The following FANCL variants were observed in gnomAD, a reference collection of about 807,000 sequenced individuals.
The protein encoded by FANCL is E3 ubiquitin-protein ligase FANCL.
FANCL carries 69 observed loss-of-function variants against 59.4 expected under a neutral mutation model. The observed-to-expected ratio is 1.16, with a 90% CI of 0.96 to 1.42. The LOEUF (loss-of-function observed/expected upper bound fraction) is 1.42. FANCL is among the 40% of genes most tolerant of loss of function. The probability of loss-of-function intolerance (pLI) is 0.00; values close to 1 mark genes in which losing one functional copy is unlikely to be tolerated. For synonymous variants in FANCL, 180 were observed against 147.1 expected, an observed-to-expected ratio of 1.22 and a Z score of -1.62; for missense variants, 519 against 447.2, an observed-to-expected ratio of 1.16 and a Z score of -1.45.
chr2:58,177,725 T>C (rs1377251607), intron 7 of FANCL, among the ~76,000 whole-genome samples: 1 of 150,962 alleles, frequency 6.6e-6, no homozygotes, highest in Non-Finnish European at 1.5e-5. Flanking sequence ...GGCACATGTA[T>C]ACATATGTAA....
intron 7 of FANCL, among the ~76,000 whole-genome samples, chr2:58,197,298 T>C (rs1195797911): frequency 6.6e-6 from 1 of 152,084 alleles, no homozygotes; most frequent in Non-Finnish European, 1.5e-5. Context: ...ATATATTTAC[T>C]TTACTCATGT....
At chr2:58,172,972 G>C (rs1199041356) in intron 7 of FANCL, among the ~76,000 whole-genome samples, 1 of 152,212 alleles carries the variant, frequency 6.6e-6, no homozygotes, top group Non-Finnish European at 1.5e-5. Flanking sequence ...GCCAAGACTT[G>C]AGAACTACGT....
chr2:58,221,796 A>T, intron 5 of FANCL, 146 bp downstream of exon 5: 1 of 614,968 alleles, frequency 1.6e-6, no homozygotes, highest in Non-Finnish European at 2.9e-6. Context: ...CCCTCTCTTT[A>T]ATTCACAGCA....
At chr2:58,190,726 C>G (rs1688846910) in intron 7 of FANCL, among the ~76,000 whole-genome samples, 1 of 151,858 alleles carries the variant, frequency 6.6e-6, no homozygotes, top group Admixed American at 6.6e-5. Context: ...ATGTTATTCT[C>G]ACAGCCAGAG....
At chr2:58,183,471 AG>A (rs1301190776) in intron 7 of FANCL, among the ~76,000 whole-genome samples, 1 of 151,908 alleles carries the variant, frequency 6.6e-6, no homozygotes, top group Non-Finnish European at 1.5e-5. Context: ...ACCAAACCTC[AG>A]TGAAGAGGTC....
chr2:58,227,649 C>A (rs575670876), intron 3 of FANCL, among the ~76,000 whole-genome samples: 1 of 152,282 alleles, frequency 6.6e-6, no homozygotes, highest in Non-Finnish European at 1.5e-5. Context: ...ATATTTCTCT[C>A]AACGTCCAGC....
chr2:58,184,797 G>A (rs1462874911), intron 7 of FANCL, among the ~76,000 whole-genome samples: 3 of 151,972 alleles, frequency 2.0e-5, no homozygotes, highest in African/African-American at 2.4e-5. Context: ...ACAATTCTCA[G>A]CAACGTCCTG....
Position 58,203,994 on chromosome 2 carries a change from T to C in FANCL, c.471+136A>G, listed in dbSNP as rs17049408. On this transcript the variant is annotated intron_variant, in intron 6 of 13. Coordinates refer to ENST00000233741, the MANE Select transcript of FANCL (RefSeq NM_018062.4). ...ACGTGGTGAATAAATTCTTTGAGGC[T>C]TTCCAAAATCAATGTTTTAAAGCAT... 29,431 of 755,482 alleles carry C rather than the reference T, an allele frequency of 0.039. 846 individuals are homozygous for C. Among genetic ancestry groups the C allele is most frequent in the African/African-American group, 0.098 (5,701 of 58,438 alleles). 46.8% of individuals were successfully genotyped at this position (755,482 alleles called of 1,614,324 possible).
intron 5 of FANCL, among the ~76,000 whole-genome samples, chr2:58,213,123 T>A (rs1426272036): frequency 6.6e-6 from 1 of 152,218 alleles, no homozygotes; most frequent in Non-Finnish European, 1.5e-5. Flanking sequence ...GATTATTATT[T>A]AGAGTGTAAG....
chr2:58,221,069 C>T (rs1190092318), intron 5 of FANCL, among the ~76,000 whole-genome samples: 4 of 151,674 alleles, frequency 2.6e-5, no homozygotes, highest in Non-Finnish European at 4.4e-5. Context: ...AAAAATTAGC[C>T]GGTCGTGGTG....
intron 1 of FANCL, among the ~76,000 whole-genome samples, chr2:58,239,087 A>G (rs146490400): frequency 4.2e-4 from 64 of 152,332 alleles, no homozygotes; most frequent in African/African-American, 1.5e-3. Context: ...TATAGAAATG[A>G]CAAGAGTTAG....
At chr2:58,212,797 T>G (rs1691313598) in intron 5 of FANCL, among the ~76,000 whole-genome samples, 1 of 152,164 alleles carries the variant, frequency 6.6e-6, no homozygotes, top group African/African-American at 2.4e-5. Context: ...CGTTAACCTT[T>G]GGGGAAGTTG....
At chr2:58,194,332 C>T (rs992959390) in intron 7 of FANCL, 21 of 469,892 alleles carry the variant, frequency 4.5e-5, no homozygotes, top group African/African-American at 3.8e-4. Flanking sequence ...TAAAATCTGA[C>T]ATTTAGGCAT....
chr2:58,214,986 A>C (rs1691564030), intron 5 of FANCL, among the ~76,000 whole-genome samples: 2 of 152,222 alleles, frequency 1.3e-5, no homozygotes, highest in South Asian at 2.1e-4. Context: ...AGATCCACTG[A>C]GGTAGGCTGC....
chr2:58,201,945 C>A (rs1690069370), intron 6 of FANCL, among the ~76,000 whole-genome samples: 1 of 151,432 alleles, frequency 6.6e-6, no homozygotes, highest in East Asian at 1.9e-4. Context: ...ATGAAAAAAG[C>A]CTACTTTGAG....
intron 7 of FANCL, among the ~76,000 whole-genome samples, chr2:58,170,637 G>C (rs780735755): frequency 1.1e-4 from 16 of 143,922 alleles, no homozygotes; most frequent in Non-Finnish European, 1.7e-4. Context: ...CACGTGCAAA[G>C]AAACACACAG....
intron 1 of FANCL, among the ~76,000 whole-genome samples, chr2:58,236,810 A>C (rs1490489591): frequency 6.6e-6 from 1 of 152,140 alleles, no homozygotes; most frequent in Non-Finnish European, 1.5e-5. Context: ...GATGCAATCT[A>C]TATGTTAATA....
chr2:58,184,951 C>T (rs536324623), intron 7 of FANCL, among the ~76,000 whole-genome samples: 208 of 152,220 alleles, frequency 1.4e-3, no homozygotes, highest in African/African-American at 4.8e-3. Context: ...TGAAGGCACA[C>T]CAACCCACCA....
intron 5 of FANCL, among the ~76,000 whole-genome samples, chr2:58,217,813 A>G (rs1692002008): frequency 6.6e-6 from 1 of 152,124 alleles, no homozygotes; most frequent in Admixed American, 6.5e-5. Flanking sequence ...ATAAATCATT[A>G]AACATATTGG....
Sources: gnomAD v4.1 joint callset for allele counts (sites outside exome capture counted in the v4.1 genomes callset) on GRCh38, gnomAD v4.1.1 for gene constraint, MANE v1.5 for transcripts, NCBI Gene and HGNC (gene_info 2026-07-23, HGNC 2026-07-21) for gene names.